TRABD2B: variants seen among roughly 807,000 people sequenced by gnomAD.
TRABD2B encodes metalloprotease TIKI2.
In TRABD2B, 14 loss-of-function variants were observed where a neutral mutation model predicts 40.1. The ratio of observed to expected loss-of-function variants is 0.35; its 90% CI spans 0.23 to 0.55. The LOEUF (loss-of-function observed/expected upper bound fraction) is 0.55, where lower values mean the gene tolerates loss of function less well. Among genes scored for constraint, TRABD2B ranks in the 20% least tolerant of loss-of-function variants. The probability of loss-of-function intolerance (pLI) is 0.90; values close to 1 mark genes in which losing one functional copy is unlikely to be tolerated. For missense variants in TRABD2B, 541 were observed against 648.6 expected (o/e 0.83, Z 1.80); for synonymous variants, 263 against 277.0 (o/e 0.95, Z 0.50).
chr1:47,765,710 T>C lies in TRABD2B; in HGVS notation c.*192A>G, dbSNP rs1049529931. 1 of 618,704 alleles carries C rather than the reference T, an allele frequency of 1.6e-6. No homozygotes were observed. The highest frequency in any genetic ancestry group is 2.9e-6 in the Non-Finnish European group (1 of 346,804). 38.3% of individuals were successfully genotyped at this position (618,704 alleles called of 1,614,324 possible). On this transcript the variant is annotated 3_prime_UTR_variant, in exon 7 of 7. Transcript: ENST00000606738. Reference sequence around the variant, plus strand: ...TTTACAAAAGAGCCCCATAGCACTATGGGAAATTAAGATCCTTCTACAAAA... The same window carrying C: ...TTTACAAAAGAGCCCCATAGCACTACGGGAAATTAAGATCCTTCTACAAAA...
chr1:47,803,555 T>C (rs1008228611), intron 2 of TRABD2B, among the ~76,000 whole-genome samples: 6 of 152,202 alleles, frequency 3.9e-5, no homozygotes, highest in Admixed American at 3.3e-4. Context: ...CAGCAGAGAC[T>C]ATTCACAATT....
At chr1:47,960,262 T>C (rs1387570085) in intron 2 of TRABD2B, among the ~76,000 whole-genome samples, 1 of 152,212 alleles carries the variant, frequency 6.6e-6, no homozygotes, top group Non-Finnish European at 1.5e-5. Flanking sequence ...CATATCATAC[T>C]GAATGGGCAA....
chr1:47,949,979 G>A (rs1373747441), intron 2 of TRABD2B, among the ~76,000 whole-genome samples: 3 of 152,246 alleles, frequency 2.0e-5, no homozygotes, highest in Admixed American at 2.0e-4. Context: ...AGTGACAAAT[G>A]GTGTAAAGAA....
At chr1:47,856,088 T>C (rs1197779643) in intron 2 of TRABD2B, among the ~76,000 whole-genome samples, 1 of 152,250 alleles carries the variant, frequency 6.6e-6, no homozygotes, top group Admixed American at 6.5e-5. Context: ...GACAAGCCAC[T>C]TTCTAAGCAT....
chr1:47,793,425 T>C (rs1644703588), intron 4 of TRABD2B, among the ~76,000 whole-genome samples: 1 of 152,258 alleles, frequency 6.6e-6, no homozygotes, highest in Non-Finnish European at 1.5e-5. Context: ...GATGTGCCTC[T>C]GGCTCTTGCC....
At chr1:47,790,417 C>T (rs1022029625) in intron 4 of TRABD2B, among the ~76,000 whole-genome samples, 1 of 152,184 alleles carries the variant, frequency 6.6e-6, no homozygotes, top group Admixed American at 6.5e-5. Flanking sequence ...CTGGGCCCCC[C>T]CAGCATCACC....
At chr1:47,990,788 T>C (rs1486753519) in intron 2 of TRABD2B, among the ~76,000 whole-genome samples, 2 of 22,026 alleles carry the variant, frequency 9.1e-5, no homozygotes, top group Non-Finnish European at 1.6e-4. Flanking sequence ...TATATATATA[T>C]ATATATATAT....
At chr1:47,894,779 T>C (rs959887816) in intron 2 of TRABD2B, among the ~76,000 whole-genome samples, 4 of 152,088 alleles carry the variant, frequency 2.6e-5, no homozygotes, top group African/African-American at 4.8e-5. Context: ...GAAGTGAACA[T>C]GACGTACCAC....
intron 2 of TRABD2B, among the ~76,000 whole-genome samples, chr1:47,858,129 G>A (rs1643914222): frequency 6.6e-6 from 1 of 152,028 alleles, no homozygotes; most frequent in Non-Finnish European, 1.5e-5. Context: ...AGCATATACA[G>A]GGTTTGCTAC....
chr1:47,886,142 TC>T (rs1284488301), intron 2 of TRABD2B, among the ~76,000 whole-genome samples: 1 of 152,178 alleles, frequency 6.6e-6, no homozygotes, highest in Non-Finnish European at 1.5e-5. Context: ...GATCCTTCCA[TC>T]CTCACCCAAA....
At chr1:47,827,031 T>G (rs1340215) in intron 2 of TRABD2B, among the ~76,000 whole-genome samples, 147,771 of 152,270 alleles carry the variant, frequency 0.97, 71,877 homozygotes, top group East Asian at 1. Context: ...TCTGCCAAGG[T>G]GTCCACACTC....
chr1:47,797,838 T>A (rs564823282), intron 3 of TRABD2B, among the ~76,000 whole-genome samples: 1 of 152,252 alleles, frequency 6.6e-6, no homozygotes, highest in Admixed American at 6.5e-5. Context: ...AAAGAGGACA[T>A]GTGAGGTCTC....
chr1:47,965,516 T>G (rs1195487298), intron 2 of TRABD2B, among the ~76,000 whole-genome samples: 1 of 151,848 alleles, frequency 6.6e-6, no homozygotes. Context: ...GCCCCTTCCC[T>G]CCCCTTTTCC....
At chr1:47,980,366 C>T (rs1645823899) in intron 2 of TRABD2B, among the ~76,000 whole-genome samples, 1 of 152,150 alleles carries the variant, frequency 6.6e-6, no homozygotes, top group African/African-American at 2.4e-5. Flanking sequence ...TATGCAACAG[C>T]AAAGAGAACT....
chr1:47,911,653 C>A (rs988790075), intron 2 of TRABD2B, among the ~76,000 whole-genome samples: 1 of 152,192 alleles, frequency 6.6e-6, no homozygotes, highest in Non-Finnish European at 1.5e-5. Flanking sequence ...CTATTGCGAG[C>A]CCCTTGTGTC....
At chr1:47,964,713 C>T (rs1170084696) in intron 2 of TRABD2B, among the ~76,000 whole-genome samples, 1 of 152,120 alleles carries the variant, frequency 6.6e-6, no homozygotes, top group Non-Finnish European at 1.5e-5. Flanking sequence ...ATTACGGTAA[C>T]ACCATATTAC....
intron 2 of TRABD2B, among the ~76,000 whole-genome samples, chr1:47,984,009 G>C (rs901005765): frequency 1.3e-5 from 2 of 152,184 alleles, no homozygotes; most frequent in Admixed American, 1.3e-4. Flanking sequence ...GGCTTTCTCC[G>C]CTGATATCAT....
intron 2 of TRABD2B, among the ~76,000 whole-genome samples, chr1:47,871,304 T>G (rs1402913841): frequency 1.3e-5 from 2 of 152,134 alleles, no homozygotes; most frequent in Non-Finnish European, 2.9e-5. Flanking sequence ...GCCGTCAGTG[T>G]GGCCCCTCCC....
chr1:47,978,879 G>A (rs1221334768), intron 2 of TRABD2B, among the ~76,000 whole-genome samples: 2 of 152,216 alleles, frequency 1.3e-5, no homozygotes, highest in Admixed American at 1.3e-4. Flanking sequence ...TCTGATCCGT[G>A]CTCTGGGAAA....
Sources: allele counts gnomAD v4.1 joint callset (sites outside exome capture counted in the v4.1 genomes callset), GRCh38; gene constraint gnomAD v4.1.1; transcripts MANE v1.5; gene names NCBI Gene and HGNC (gene_info 2026-07-23, HGNC 2026-07-21).